CDYL2: variants seen among roughly 807,000 people sequenced by gnomAD.
CDYL2 encodes the protein chromodomain Y-like protein 2.
CDYL2 carries 23 observed loss-of-function variants against 49.4 expected under a neutral mutation model. The observed-to-expected ratio is 0.47, with a 90% CI of 0.34 to 0.66. CDYL2 has a LOEUF of 0.66. CDYL2 is among the 30% of genes least tolerant of loss of function. The pLI is 0.01. For synonymous variants in CDYL2, 360 were observed against 268.8 expected (o/e 1.34, Z -3.32); for missense variants, 678 against 656.4 (o/e 1.03, Z -0.36).
Position 80,620,067 on chromosome 16 carries a change from C to T in CDYL2, c.1007+696G>A, listed in dbSNP as rs141595681. Among the ~76,000 whole-genome samples, 608 of 152,352 alleles carry T rather than the reference C, an allele frequency of 4.0e-3. 6 individuals are homozygous for T. The highest frequency in any genetic ancestry group is 0.014 in the African/African-American group (584 of 41,586). On this transcript the variant is annotated intron_variant, in intron 4 of 6. Transcript: ENST00000570137. ...GATTCCTAAGCAAGATACAGCAGCACCCGCCAGGTGAACACTGGGTGACAG... is the reference window on the plus strand; with the variant it reads ...GATTCCTAAGCAAGATACAGCAGCATCCGCCAGGTGAACACTGGGTGACAG...
At chr16:80,738,866 T>C (rs1334415215) in intron 1 of CDYL2, 1 of 152,226 alleles carries the variant, frequency 6.6e-6, no homozygotes, top group Non-Finnish European at 1.5e-5. Flanking sequence ...GAGATGATGA[T>C]AGTGGCAAAT....
chr16:80,701,320 A>C (rs1483296933), intron 1 of CDYL2, among the ~76,000 whole-genome samples: 2 of 152,284 alleles, frequency 1.3e-5, no homozygotes, highest in African/African-American at 4.8e-5. Flanking sequence ...AATTATTAAC[A>C]ATGGTTTTCT....
At chr16:80,647,123 A>G (rs1320646323) in intron 2 of CDYL2, among the ~76,000 whole-genome samples, 1 of 152,204 alleles carries the variant, frequency 6.6e-6, no homozygotes, top group African/African-American at 2.4e-5. Flanking sequence ...CACAAATAAA[A>G]TTAAATACCT....
At chr16:80,660,742 A>T (rs1909006935) in intron 2 of CDYL2, among the ~76,000 whole-genome samples, 1 of 152,244 alleles carries the variant, frequency 6.6e-6, no homozygotes, top group African/African-American at 2.4e-5. Flanking sequence ...ACTCTGAGAC[A>T]GAAAGAGGGA....
intron 1 of CDYL2, among the ~76,000 whole-genome samples, chr16:80,720,902 A>C (rs1260743463): frequency 1.3e-5 from 2 of 152,196 alleles, no homozygotes; most frequent in South Asian, 4.1e-4. Flanking sequence ...TTAGAGTCAC[A>C]AGTGGGGTAA....
intron 2 of CDYL2, among the ~76,000 whole-genome samples, chr16:80,679,967 T>A (rs926927137): frequency 3.3e-5 from 5 of 152,212 alleles, no homozygotes; most frequent in African/African-American, 9.7e-5. Context: ...GCCGGATCCA[T>A]GTTTGGGAGC....
At chr16:80,646,231 G>A (rs1288583049) in intron 2 of CDYL2, among the ~76,000 whole-genome samples, 1 of 151,762 alleles carries the variant, frequency 6.6e-6, no homozygotes, top group East Asian at 1.9e-4. Flanking sequence ...GATTTGGATG[G>A]GGACAGAGAG....
intron 1 of CDYL2, among the ~76,000 whole-genome samples, chr16:80,697,821 C>T (rs1260505081): frequency 1.3e-5 from 2 of 151,376 alleles, no homozygotes; most frequent in Non-Finnish European, 2.9e-5. Context: ...ACATAAAATA[C>T]CTAGGAATAA....
At chr16:80,792,739 G>A (rs774835137) in intron 1 of CDYL2, among the ~76,000 whole-genome samples, 1 of 152,072 alleles carries the variant, frequency 6.6e-6, no homozygotes, top group Non-Finnish European at 1.5e-5. Context: ...TTTCAGGGTC[G>A]ATGTGCCCAT....
At chr16:80,644,002 A>C (rs574917014) in intron 2 of CDYL2, among the ~76,000 whole-genome samples, 1 of 152,300 alleles carries the variant, frequency 6.6e-6, no homozygotes, top group South Asian at 2.1e-4. Flanking sequence ...TGTCTATCAC[A>C]TTGTCAGGCT....
In CDYL2 at chr16:80,781,420, C is replaced by T. The variant is rs113043690; in HGVS notation, c.24+22730G>A. 2.1e-3 allele frequency among the ~76,000 whole-genome samples: 324 copies of T among 152,210 alleles called. 3 individuals carry two copies. Among genetic ancestry groups the T allele is most frequent in the African/African-American group, 7.4e-3 (306 of 41,534 alleles). On this transcript the variant is annotated intron_variant, in intron 1 of 6. Transcript: ENST00000570137. ...AAACTGACAAAATAGGAGGGAGAGA[C>T]AGACCGTTCCACAATGGTTGGAGAC...
At chr16:80,746,032 T>C (rs1400784224) in intron 1 of CDYL2, among the ~76,000 whole-genome samples, 3 of 152,152 alleles carry the variant, frequency 2.0e-5, no homozygotes, top group Admixed American at 6.5e-5. Flanking sequence ...CTCTGTATTA[T>C]CCACACACAG....
intron 6 of CDYL2, among the ~76,000 whole-genome samples, chr16:80,606,285 A>AC (rs1179699567): frequency 2.6e-5 from 4 of 151,096 alleles, no homozygotes; most frequent in Non-Finnish European, 5.9e-5. Flanking sequence ...TTCTTGGGAA[A>AC]CCCCCCCAGC....
At chr16:80,693,457 T>C (rs1190867248) in intron 1 of CDYL2, among the ~76,000 whole-genome samples, 1 of 151,998 alleles carries the variant, frequency 6.6e-6, no homozygotes, top group Non-Finnish European at 1.5e-5. Flanking sequence ...AGGCCAAAGG[T>C]ATTATTTACA....
At position 80,677,643 on chromosome 16, in the gene CDYL2, G is replaced by A. The variant is rs549872328; in HGVS notation, c.616+6895C>T. Among the ~76,000 whole-genome samples, 7 of 152,192 alleles carry A rather than the reference G, an allele frequency of 4.6e-5. No individual in the cohort carries two copies. The South Asian group carries it at 1.4e-3, about 32-fold the overall frequency. ...AGTCCCAGCTACTCGGGAGGCTGAG[G>A]CAGGAGAATGGCGTGAACTCAGGAG... On this transcript the variant is annotated intron_variant, in intron 2 of 6. Transcript: ENST00000570137.
chr16:80,763,224 T>C (rs1476199530), intron 1 of CDYL2, among the ~76,000 whole-genome samples: 1 of 1,482 alleles, frequency 6.7e-4, no homozygotes, highest in Non-Finnish European at 1.5e-3. Flanking sequence ...CTTTATAGAA[T>C]GTAATAAAGG....
intron 1 of CDYL2, among the ~76,000 whole-genome samples, chr16:80,773,849 C>T (rs1457553578): frequency 6.6e-6 from 1 of 151,738 alleles, no homozygotes; most frequent in Non-Finnish European, 1.5e-5. Context: ...ATGAACTAAA[C>T]AACCATGTCA....
intron 2 of CDYL2, among the ~76,000 whole-genome samples, chr16:80,664,037 CCAGGATCCTGG>C: frequency 2.4e-5 from 1 of 41,088 alleles, no homozygotes; most frequent in African/African-American, 5.6e-4. Context: ...CTCTATTATG[CCAGGATCCTGG>C]TATGTGGCAA....
At chr16:80,772,023 T>C (rs1906922296) in intron 1 of CDYL2, among the ~76,000 whole-genome samples, 1 of 151,960 alleles carries the variant, frequency 6.6e-6, no homozygotes, top group Non-Finnish European at 1.5e-5. Context: ...TGATGGAAAA[T>C]ATTAACTTCA....
Sources: allele counts gnomAD v4.1 joint callset (sites outside exome capture counted in the v4.1 genomes callset), GRCh38; gene constraint gnomAD v4.1.1; transcripts MANE v1.5; gene names NCBI Gene and HGNC (gene_info 2026-07-23, HGNC 2026-07-21).